WNT10A: variants seen among roughly 807,000 people sequenced by gnomAD.
WNT10A encodes Wnt family member 10A.
A neutral mutation model predicts 36.1 loss-of-function variants in WNT10A; 37 were observed. The observed-to-expected ratio is 1.02, with a 90% CI of 0.79 to 1.35. The LOEUF is 1.35. Ranked by LOEUF, WNT10A falls within the 40% of genes most tolerant of loss-of-function variation. WNT10A has a pLI of 0.00. For missense variants in WNT10A, 613 were observed against 601.4 expected, an observed-to-expected ratio of 1.02 and a Z score of -0.20; for synonymous variants, 255 against 254.1, an observed-to-expected ratio of 1.00 and a Z score of -0.03.
At chr2:218,882,862 T>C (rs569794249) in intron 2 of WNT10A, among the ~76,000 whole-genome samples, 1 of 152,348 alleles carries the variant, frequency 6.6e-6, no homozygotes, top group African/African-American at 2.4e-5. Context: ...GGAGGCAGCC[T>C]GGACAGGTAA....
At chr2:218,892,548 T>C (rs528074741) in intron 3 of WNT10A, among the ~76,000 whole-genome samples, 10 of 152,218 alleles carry the variant, frequency 6.6e-5, no homozygotes, top group African/African-American at 2.4e-4. Flanking sequence ...CAGGTGGGAA[T>C]TCCCCCGGGG....
At chr2:218,891,032 T>A (rs1944644504) in intron 3 of WNT10A, among the ~76,000 whole-genome samples, 1 of 152,240 alleles carries the variant, frequency 6.6e-6, no homozygotes, top group African/African-American at 2.4e-5. Flanking sequence ...GTGCTTACTA[T>A]GTGTTAGGCA....
At chr2:218,887,500 T>G (rs1944592181) in intron 2 of WNT10A, among the ~76,000 whole-genome samples, 1 of 152,202 alleles carries the variant, frequency 6.6e-6, no homozygotes, top group African/African-American at 2.4e-5. Flanking sequence ...CCTCTGCAGC[T>G]CCTGCTAATT....
At chr2:218,879,943 G>A (rs1437230885), upstream of WNT10A, among the ~76,000 whole-genome samples, 1 of 152,184 alleles carries the variant, frequency 6.6e-6, no homozygotes, top group African/African-American at 2.4e-5. Context: ...TGACACTGCT[G>A]CCTCCCCGGG....
chr2:218,888,858 T>C (rs1383525412), intron 2 of WNT10A, among the ~76,000 whole-genome samples: 2 of 152,268 alleles, frequency 1.3e-5, no homozygotes, highest in Non-Finnish European at 2.9e-5. Context: ...AATTTCATCA[T>C]TGACAATTTA....
In WNT10A at chr2:218,890,252, C is replaced by T. The variant is rs2106016370; in HGVS notation, c.645C>T (p.Ser215=). The change falls in exon 3 of 4, where the codon AGC becomes AGT. Residue 215 remains serine (S), a synonymous_variant. Coordinates refer to ENST00000258411, the MANE Select transcript of WNT10A (RefSeq NM_025216.3). ...LQDSWEWGGC[S]PDMGFGERFS... ...ACTCCTGGGAGTGGGGCGGCTGCAG[C>T]CCCGACATGGGCTTCGGGGAGCGCT... 1 of 1,613,430 alleles carries T rather than the reference C, an allele frequency of 6.2e-7. No individual in the cohort carries two copies. The highest frequency in any genetic ancestry group is 8.5e-7 in the Non-Finnish European group (1 of 1,179,950).
chr2:218,893,420 G>GGGT lies in WNT10A; in HGVS notation c.*149_*150insGGT. The GGGT allele has an allele frequency of 8.5e-7, 1 of 1,171,632 alleles. No homozygotes were observed. Among genetic ancestry groups the GGGT allele is most frequent in the Non-Finnish European group, 1.2e-6 (1 of 859,726 alleles). The allele number at this position is 1,171,632 out of a possible 1,614,324, so 72.6% of individuals were successfully genotyped here. A position where few individuals can be genotyped will look rare whatever the true frequency, so the allele number is the denominator to read the frequency against. On this transcript the variant is annotated 3_prime_UTR_variant, in exon 4 of 4. Coordinates refer to ENST00000258411, the MANE Select transcript of WNT10A (RefSeq NM_025216.3). This position sits in a 1 kb window ranked among gnomAD's most constrained non-coding sequence, Gnocchi z 6.3. ...CTTATAGGAACCCCTCAGCTCTGAG[G>GGGT]TCTGTGATCGCCGGACAGTCCAGGC...
the WNT10A span, among the ~76,000 whole-genome samples, chr2:218,874,504 T>C: frequency 5.3e-5 from 8 of 152,334 alleles, no homozygotes; most frequent in South Asian, 2.1e-4. Flanking sequence ...TGCATACCTC[T>C]TGACACCCAA....
At chr2:218,882,013 G>A in intron 1 of WNT10A, 148 bp from the exon 2 acceptor site, 1 of 1,023,548 alleles carries the variant, frequency 9.8e-7, no homozygotes, top group East Asian at 2.6e-5. Context: ...AGAGAGGAAT[G>A]TGTAGGAGTG....
upstream of WNT10A, among the ~76,000 whole-genome samples, chr2:218,878,719 C>T (rs1378139663): frequency 2.0e-5 from 3 of 152,148 alleles, no homozygotes; most frequent in Non-Finnish European, 2.9e-5. The surrounding 1 kb of genome is among the most constrained non-coding windows in gnomAD (Gnocchi z 4.1). Flanking sequence ...AGTGTGAGCG[C>T]GTGATGGGGA....
the WNT10A span, chr2:218,874,165 G>A: frequency 2.9e-6 from 1 of 348,876 alleles, no homozygotes. Context: ...CTGGATACTG[G>A]GCTCCCCAGA....
In WNT10A at chr2:218,880,892, C is replaced by T; in HGVS notation, c.-104C>T. On this transcript the variant is annotated 5_prime_UTR_variant, in exon 1 of 4. Coordinates refer to ENST00000258411, the MANE Select transcript of WNT10A (RefSeq NM_025216.3). This position sits in a 1 kb window ranked among gnomAD's most constrained non-coding sequence, Gnocchi z 7.7. ...CCTGACCCGAGTCGGAGCTGTGTGT[C>T]GCAGCCGCCCCGACCCCCCGCCGAT... 1 of 1,367,974 alleles carries T rather than the reference C, an allele frequency of 7.3e-7. No individual in the cohort carries two copies. The highest frequency in any genetic ancestry group is 1.5e-5 in the South Asian group (1 of 64,756). 84.7% of individuals were successfully genotyped at this position (1,367,974 alleles called of 1,614,324 possible).
In WNT10A at chr2:218,881,114, C is replaced by T. The variant is rs1294273131; in HGVS notation, c.113+6C>T. ...CTGGCTGCTGCCATGCCCAGGTGAG[C>T]CCTCACCTCATGCTCCGCCCTCCTA... On this transcript the variant is annotated splice_donor_region_variant and intron_variant, in intron 1 of 3. Coordinates refer to ENST00000258411, the MANE Select transcript of WNT10A (RefSeq NM_025216.3). 6.3e-7 allele frequency: 1 copy of T among 1,588,946 alleles called. No individual in the cohort carries two copies. Among genetic ancestry groups the T allele is most frequent in the Non-Finnish European group, 8.6e-7 (1 of 1,167,108 alleles).
At position 218,881,073 on chromosome 2, in the gene WNT10A, G is replaced by C. The variant is rs1553622184; in HGVS notation, c.78G>C (p.Leu26=). Residue 26 remains leucine, a synonymous_variant, in exon 1 of 4, where the codon CTG becomes CTC. Transcript: ENST00000258411. ...CGCGGCCAGCGCTCTGGGTGCTCCT[G>C]TTCTTCCTACTGCTGCTGGCTGCTG... The part of the protein sequence containing the change: ...PQPRPALWVL[L]FFLLLLAAAM... The C allele has an allele frequency of 1.2e-6, 2 of 1,605,678 alleles. No individual in the cohort carries two copies. Among genetic ancestry groups the C allele is most frequent in the Admixed American group, 1.7e-5 (1 of 59,370 alleles).
intron 2 of WNT10A, among the ~76,000 whole-genome samples, chr2:218,888,436 A>G (rs527672588): frequency 6.6e-6 from 1 of 152,300 alleles, no homozygotes; most frequent in African/African-American, 2.4e-5. Flanking sequence ...GGCCCCCAAG[A>G]GTGGCTTGGT....
Position 218,893,116 on chromosome 2 carries a change from G to A in WNT10A, c.1099G>A (p.Ala367Thr). 1.3e-6 allele frequency: 2 copies of A among 1,595,234 alleles called. No individual in the cohort carries two copies. The highest frequency in any genetic ancestry group is 1.7e-6 in the Non-Finnish European group (2 of 1,178,360). Reference sequence around the variant, plus strand: ...GGGCCGCCTGTGCAACAAGAGCAGCGCCGGCTCGGATGGCTGCGGCAGCAT... The same window carrying A: ...GGGCCGCCTGTGCAACAAGAGCAGCACCGGCTCGGATGGCTGCGGCAGCAT... ...TVGRLCNKSS[A>T]GSDGCGSMCC... Residue 367 changes from alanine to threonine, a missense_variant, in exon 4 of 4, where the codon GCC becomes ACC. By Grantham distance (58) the Ala-to-Thr change is moderately conservative. Coordinates refer to ENST00000258411, the MANE Select transcript of WNT10A (RefSeq NM_025216.3). This position sits in a 1 kb window ranked among gnomAD's most constrained non-coding sequence, Gnocchi z 6.3.
At position 218,893,140 on chromosome 2, in the gene WNT10A, A is replaced by G; in HGVS notation, c.1123A>G (p.Met375Val). 1.3e-6 allele frequency: 2 copies of G among 1,592,346 alleles called. No homozygotes were observed. Among genetic ancestry groups the G allele is most frequent in the Admixed American group, 1.7e-5 (1 of 59,564 alleles). The change falls in exon 4 of 4, where the codon ATG (methionine) becomes GTG (valine). Residue 375 changes from methionine (M) to valine (V), a missense_variant. Coordinates refer to ENST00000258411, the MANE Select transcript of WNT10A (RefSeq NM_025216.3). This position sits in a 1 kb window ranked among gnomAD's most constrained non-coding sequence, Gnocchi z 6.3. ...CGCCGGCTCGGATGGCTGCGGCAGC[A>G]TGTGCTGCGGCCGCGGCCACAACAT... ...SSAGSDGCGS[M>V]CCGRGHNILR...
intron 1 of WNT10A, 43 bp downstream of exon 1, chr2:218,881,151 C>T (rs1385496769): frequency 6.4e-7 from 1 of 1,557,882 alleles, no homozygotes; most frequent in Non-Finnish European, 8.7e-7. Flanking sequence ...AGAGTTGGGA[C>T]CCCGGCCTGC....
At chr2:218,881,696 G>A (rs1282685786) in intron 1 of WNT10A, among the ~76,000 whole-genome samples, 1 of 152,170 alleles carries the variant, frequency 6.6e-6, no homozygotes, top group Non-Finnish European at 1.5e-5. Context: ...AAATGGGAGT[G>A]TCTTTGTGTG....
Sources: allele counts gnomAD v4.1 joint callset (sites outside exome capture counted in the v4.1 genomes callset), GRCh38; gene constraint gnomAD v4.1.1; non-coding constraint Gnocchi (gnomAD v3.1); transcripts MANE v1.5; gene names NCBI Gene and HGNC (gene_info 2026-07-23, HGNC 2026-07-21).